The following ROBO1 variants were observed in gnomAD, a reference collection of about 807,000 sequenced individuals.
ROBO1 encodes roundabout guidance receptor 1.
In ROBO1, 149 loss-of-function variants were observed where a neutral mutation model predicts 195.9. That is an observed-to-expected ratio of 0.76 (90% CI 0.67 to 0.87). The LOEUF is 0.87. Among genes scored for constraint, ROBO1 ranks in the 40% least tolerant of loss-of-function variants. The probability of loss-of-function intolerance (pLI) is 0.00; values close to 1 mark genes in which losing one functional copy is unlikely to be tolerated. For synonymous variants in ROBO1, 816 were observed against 733.2 expected (o/e 1.11, Z -1.82); for missense variants, 1,933 against 2,068.3 (o/e 0.93, Z 1.27).
chr3:79,159,011 T>C (rs926056448), intron 2 of ROBO1, among the ~76,000 whole-genome samples: 1 of 151,978 alleles, frequency 6.6e-6, no homozygotes, highest in Non-Finnish European at 1.5e-5. Flanking sequence ...AAAGTGGAAT[T>C]GAAAATGAAT....
At chr3:79,650,499 T>C (rs941194085) in intron 1 of ROBO1, among the ~76,000 whole-genome samples, 1 of 151,764 alleles carries the variant, frequency 6.6e-6, no homozygotes, top group Non-Finnish European at 1.5e-5. Flanking sequence ...ATTTTGATGG[T>C]AAAATACATA....
intron 4 of ROBO1, among the ~76,000 whole-genome samples, chr3:78,906,241 C>T (rs925537381): frequency 6.6e-6 from 1 of 152,102 alleles, no homozygotes; most frequent in Admixed American, 6.6e-5. Context: ...CTCCTCTCTC[C>T]TGTCTTCTTT....
chr3:79,455,711 C>T (rs1267480806), intron 2 of ROBO1, among the ~76,000 whole-genome samples: 2 of 152,014 alleles, frequency 1.3e-5, no homozygotes, highest in African/African-American at 2.4e-5. Context: ...TTTCTTCATC[C>T]CCTCCACATA....
At chr3:79,070,330 T>C (rs1364029193) in intron 3 of ROBO1, among the ~76,000 whole-genome samples, 8 of 151,942 alleles carry the variant, frequency 5.3e-5, no homozygotes, top group South Asian at 4.1e-4. Flanking sequence ...TGAATTCTAG[T>C]CCTTCACTTT....
At chr3:79,161,121 C>G (rs1273613804) in intron 2 of ROBO1, among the ~76,000 whole-genome samples, 1 of 151,962 alleles carries the variant, frequency 6.6e-6, no homozygotes, top group Non-Finnish European at 1.5e-5. Flanking sequence ...GAGGAGCCTG[C>G]TACAAAACAA....
At chr3:78,990,653 G>A (rs2077216477) in intron 3 of ROBO1, among the ~76,000 whole-genome samples, 2 of 152,016 alleles carry the variant, frequency 1.3e-5, no homozygotes, top group Non-Finnish European at 2.9e-5. Context: ...AGAGAGTAAG[G>A]TATGTATATT....
intron 2 of ROBO1, among the ~76,000 whole-genome samples, chr3:79,174,671 A>G (rs1331065984): frequency 6.6e-6 from 1 of 151,756 alleles, no homozygotes; most frequent in African/African-American, 2.4e-5. Flanking sequence ...ATCAGCTATA[A>G]GAAACCTTAC....
intron 2 of ROBO1, among the ~76,000 whole-genome samples, chr3:79,296,677 T>C (rs1410764266): frequency 6.6e-6 from 1 of 152,194 alleles, no homozygotes; most frequent in Non-Finnish European, 1.5e-5. Flanking sequence ...AATTTCAACA[T>C]GGAATTTCAG....
chr3:78,877,286 AT>A (rs1420114789), intron 4 of ROBO1, among the ~76,000 whole-genome samples: 1 of 152,154 alleles, frequency 6.6e-6, no homozygotes, highest in Non-Finnish European at 1.5e-5. Flanking sequence ...CCAAGAATAC[AT>A]CTATTGAGAA....
At chr3:79,536,183 C>CAT (rs935225736) in intron 2 of ROBO1, among the ~76,000 whole-genome samples, 35 of 152,052 alleles carry the variant, frequency 2.3e-4, no homozygotes, top group African/African-American at 6.7e-4. Flanking sequence ...TATATATATA[C>CAT]ATATATATAT....
chr3:78,600,282 G>C lies in ROBO1; in HGVS notation c.4772C>G (p.Thr1591Ser). The change falls in exon 30 of 31, where the codon ACT (threonine) becomes AGT (serine). Residue 1591 changes from threonine (T) to serine (S), a missense_variant. Physicochemically the swap from Thr to Ser is moderately conservative, Grantham distance 58. This residue lies in a region of ROBO1 where 1,737 missense variants were observed against 1,882.5 expected (regional missense o/e 0.92). Coordinates refer to ENST00000464233, the MANE Select transcript of ROBO1 (RefSeq NM_002941.4). ...TCTGGGATTATTTGATGTTGGAAAA[G>C]TAGGTCTACAATAAGGTAGAATATC... ...QEDILPYCRP[T>S]FPTSNNPRDP... 1 of 1,611,952 alleles carries C rather than the reference G, an allele frequency of 6.2e-7. No homozygotes were observed. The highest frequency in any genetic ancestry group is 1.1e-5 in the South Asian group (1 of 91,038).
intron 2 of ROBO1, among the ~76,000 whole-genome samples, chr3:79,373,338 A>G (rs1391840616): frequency 6.6e-6 from 1 of 151,932 alleles, no homozygotes; most frequent in East Asian, 1.9e-4. Context: ...TTGTCTACCC[A>G]TTATTCCTTC....
At chr3:78,995,588 A>C (rs781392077) in intron 3 of ROBO1, among the ~76,000 whole-genome samples, 13 of 151,918 alleles carry the variant, frequency 8.6e-5, no homozygotes, top group Non-Finnish European at 1.6e-4. Context: ...CACCATCTTA[A>C]TTCACGTTTA....
chr3:79,080,135 T>G (rs2108459367), intron 3 of ROBO1, among the ~76,000 whole-genome samples: 1 of 151,692 alleles, frequency 6.6e-6, no homozygotes, highest in African/African-American at 2.4e-5. Flanking sequence ...AAATGAAAAA[T>G]TAATTGCTAA....
intron 8 of ROBO1, among the ~76,000 whole-genome samples, chr3:78,711,427 CT>C (rs1383205755): frequency 4.5e-5 from 5 of 110,854 alleles, no homozygotes; most frequent in African/African-American, 2.0e-4. Context: ...TTCTTTCTTT[CT>C]TTCTTTCTTT....
At chr3:79,477,585 G>A (rs1938611622) in intron 2 of ROBO1, among the ~76,000 whole-genome samples, 1 of 152,120 alleles carries the variant, frequency 6.6e-6, no homozygotes, top group South Asian at 2.1e-4. Flanking sequence ...AAGTGGGAAA[G>A]TGCACAAAGA....
intron 4 of ROBO1, among the ~76,000 whole-genome samples, chr3:78,825,697 A>G (rs988586761): frequency 1.3e-5 from 2 of 152,172 alleles, no homozygotes; most frequent in African/African-American, 4.8e-5. Context: ...TACATTACCT[A>G]TATGTCAGCT....
At chr3:78,602,066 G>A (rs11926337) in intron 29 of ROBO1, among the ~76,000 whole-genome samples, 2,246 of 104,920 alleles carry the variant, frequency 0.021, 52 homozygotes, top group South Asian at 0.076. Flanking sequence ...GTGTGTGTGT[G>A]TATATATATA....
chr3:79,267,227 G>C (rs1427058314), intron 2 of ROBO1, among the ~76,000 whole-genome samples: 7 of 151,424 alleles, frequency 4.6e-5, no homozygotes, highest in African/African-American at 1.7e-4. Context: ...AAATATAAAA[G>C]AGGAATATAT....
Sources: allele counts gnomAD v4.1 joint callset (sites outside exome capture counted in the v4.1 genomes callset), GRCh38; gene constraint gnomAD v4.1.1; regional missense constraint gnomAD v4.1.1; transcripts MANE v1.5; gene names NCBI Gene and HGNC (gene_info 2026-07-23, HGNC 2026-07-21).